The following TMEM117 variants were observed in gnomAD, a reference collection of about 807,000 sequenced individuals.
TMEM117 encodes the protein transmembrane protein 117.
TMEM117 carries 27 observed loss-of-function variants against 52.4 expected under a neutral mutation model. The ratio of observed to expected loss-of-function variants is 0.51; its 90% confidence interval spans 0.38 to 0.71. The LOEUF is 0.71. Ranked by LOEUF, TMEM117 falls within the 30% of genes least tolerant of loss-of-function variation. The pLI is 0.00. For synonymous variants in TMEM117, 215 were observed against 206.3 expected, an observed-to-expected ratio of 1.04 and a Z score of -0.36; for missense variants, 556 against 630.5, an observed-to-expected ratio of 0.88 and a Z score of 1.26.
intron 6 of TMEM117, among the ~76,000 whole-genome samples, chr12:44,316,649 C>G (rs1951058447): frequency 6.6e-6 from 1 of 152,158 alleles, no homozygotes; most frequent in Admixed American, 6.5e-5. Context: ...TAGGGACACT[C>G]TTTGTACTAT....
At chr12:44,199,288 A>G (rs1163915984) in intron 4 of TMEM117, among the ~76,000 whole-genome samples, 1 of 152,208 alleles carries the variant, frequency 6.6e-6, no homozygotes, top group Non-Finnish European at 1.5e-5. Flanking sequence ...AATTAAAAGA[A>G]ATTCAGTATC....
At chr12:44,336,270 G>T (rs1037755682) in intron 6 of TMEM117, among the ~76,000 whole-genome samples, 1 of 151,862 alleles carries the variant, frequency 6.6e-6, no homozygotes, top group Admixed American at 6.6e-5. Context: ...AAAATGAAGA[G>T]AATAATAATT....
At chr12:44,337,591 A>G (rs776974931) in intron 6 of TMEM117, among the ~76,000 whole-genome samples, 1 of 151,934 alleles carries the variant, frequency 6.6e-6, no homozygotes, top group Non-Finnish European at 1.5e-5. Flanking sequence ...TTTCCAATAG[A>G]CTGACAATCT....
intron 3 of TMEM117, among the ~76,000 whole-genome samples, chr12:44,128,819 T>A (rs969438887): frequency 7.9e-5 from 12 of 152,236 alleles, no homozygotes; most frequent in African/African-American, 2.7e-4. Context: ...AAAATGAGTA[T>A]AAATTTGGGC....
At chr12:43,853,419 G>A (rs544357343) in intron 2 of TMEM117, among the ~76,000 whole-genome samples, 39 of 152,068 alleles carry the variant, frequency 2.6e-4, no homozygotes, top group Non-Finnish European at 4.7e-4. Flanking sequence ...GGAATTACAG[G>A]CACCTGCCAC....
At chr12:44,128,978 G>A (rs1251414412) in intron 3 of TMEM117, among the ~76,000 whole-genome samples, 1 of 152,110 alleles carries the variant, frequency 6.6e-6, no homozygotes, top group Non-Finnish European at 1.5e-5. Flanking sequence ...TAGGGTCTGT[G>A]TTTTTCAAAT....
intron 3 of TMEM117, among the ~76,000 whole-genome samples, chr12:44,140,263 A>C (rs1398772760): frequency 6.6e-6 from 1 of 152,144 alleles, no homozygotes; most frequent in Non-Finnish European, 1.5e-5. Context: ...AAGTGAACAC[A>C]CAAAACAATT....
In TMEM117 at chr12:44,376,631, G is replaced by C; in HGVS notation, c.805G>C (p.Val269Leu). ...CCCACATTTCATGGGAGATGTTGATGTAAATCTCCCTGGTTTGCACACCCC... is the reference window on the plus strand; with the variant it reads ...CCCACATTTCATGGGAGATGTTGATCTAAATCTCCCTGGTTTGCACACCCC... ...EFPHFMGDVD[V>L]NLPGLHTPHM... Residue 269 changes from valine (V) to leucine (L), a missense_variant, in exon 7 of 8, where the codon GTA becomes CTA. Physicochemically the swap from Val to Leu is conservative, Grantham distance 32. This residue lies in a region of TMEM117 where 328 missense variants were observed against 371.4 expected (regional missense o/e 0.88). Coordinates refer to ENST00000266534, the MANE Select transcript of TMEM117 (RefSeq NM_032256.3). 2 of 1,609,270 alleles carry C rather than the reference G, an allele frequency of 1.2e-6. No homozygotes were observed. The highest frequency in any genetic ancestry group is 1.7e-6 in the Non-Finnish European group (2 of 1,178,380).
At chr12:43,829,827 C>A in the TMEM117 span, among the ~76,000 whole-genome samples, 3 of 152,114 alleles carry the variant, frequency 2.0e-5, no homozygotes, top group Non-Finnish European at 4.4e-5. Flanking sequence ...CAGTGGCTCA[C>A]GCCTGTAATC....
chr12:43,859,782 A>G (rs1481570023), intron 2 of TMEM117, among the ~76,000 whole-genome samples: 1 of 152,198 alleles, frequency 6.6e-6, no homozygotes, highest in Non-Finnish European at 1.5e-5. Flanking sequence ...AAATAACATC[A>G]TTTTAAGGAC....
intron 3 of TMEM117, among the ~76,000 whole-genome samples, chr12:44,135,042 C>G (rs941250196): frequency 6.6e-6 from 1 of 152,122 alleles, no homozygotes; most frequent in African/African-American, 2.4e-5. Context: ...CTCTGCCACT[C>G]TCACTCTCTT....
At chr12:44,039,193 T>TAGG (rs1946759026) in intron 3 of TMEM117, among the ~76,000 whole-genome samples, 2 of 152,184 alleles carry the variant, frequency 1.3e-5, no homozygotes, top group Non-Finnish European at 1.5e-5. Context: ...GTTTTAAAGC[T>TAGG]TTACCTAGAC....
intron 3 of TMEM117, among the ~76,000 whole-genome samples, chr12:43,986,180 T>C (rs1484035726): frequency 6.6e-6 from 1 of 152,114 alleles, no homozygotes; most frequent in Non-Finnish European, 1.5e-5. Context: ...TTTAATTAAT[T>C]TTTTTGTGTA....
intron 2 of TMEM117, among the ~76,000 whole-genome samples, chr12:43,878,479 G>T (rs139389486): frequency 9.8e-4 from 149 of 152,224 alleles, no homozygotes; most frequent in Admixed American, 2.2e-3. Context: ...TTCAATTTAA[G>T]AAATTGTTTT....
At position 43,928,016 on chromosome 12, in the gene TMEM117, TTTTCTC is replaced by T. The variant is rs568529798; in HGVS notation, c.278-16188_278-16183del. ...GCACAGAGTGAATTTTGTTTATTCT[TTTTCTC>T]TTTCTATCCCTCCTTCACTCCTCTA... is the stretch of plus-strand genomic sequence containing the variant. On this transcript the variant is annotated intron_variant, in intron 2 of 7. Transcript: ENST00000266534. 1.3e-3 allele frequency among the ~76,000 whole-genome samples: 193 copies of T among 152,082 alleles called. 1 individual carries two copies. Among genetic ancestry groups the T allele is most frequent in the African/African-American group, 4.4e-3 (184 of 41,550 alleles).
At chr12:44,319,868 CA>C (rs1951108155) in intron 6 of TMEM117, among the ~76,000 whole-genome samples, 1 of 152,096 alleles carries the variant, frequency 6.6e-6, no homozygotes, top group Non-Finnish European at 1.5e-5. Context: ...TCCAGTTTGT[CA>C]AATTTCCTTC....
intron 6 of TMEM117, among the ~76,000 whole-genome samples, chr12:44,343,578 G>T (rs1457074678): frequency 1.3e-5 from 2 of 152,026 alleles, no homozygotes; most frequent in East Asian, 3.9e-4. Context: ...GGGACATGGG[G>T]ACTTGTTTAA....
At chr12:43,862,783 G>T (rs1425312692) in intron 2 of TMEM117, among the ~76,000 whole-genome samples, 2 of 152,282 alleles carry the variant, frequency 1.3e-5, no homozygotes, top group East Asian at 1.9e-4. Flanking sequence ...AAATCTGGAA[G>T]AAGTGCATTC....
intron 3 of TMEM117, among the ~76,000 whole-genome samples, chr12:44,061,308 A>T (rs1947134985): frequency 6.6e-6 from 1 of 152,136 alleles, no homozygotes; most frequent in Non-Finnish European, 1.5e-5. Flanking sequence ...AACTCACGAG[A>T]ATTTCTTTGT....
Sources: gnomAD v4.1 joint callset for allele counts (sites outside exome capture counted in the v4.1 genomes callset) on GRCh38, gnomAD v4.1.1 for gene constraint, gnomAD v4.1.1 regional missense constraint, MANE v1.5 for transcripts, NCBI Gene and HGNC (gene_info 2026-07-23, HGNC 2026-07-21) for gene names.